NPFFR2: variants seen among roughly 807,000 people sequenced by gnomAD.
The protein encoded by NPFFR2 is neuropeptide FF receptor 2.
Under a neutral mutation model 13.1 loss-of-function variants are expected in NPFFR2, and 15 were observed. That is an observed-to-expected ratio of 1.15 (90% CI 0.77 to 1.76). NPFFR2 has a LOEUF of 1.76. NPFFR2 is among the 40% of genes most tolerant of loss of function. NPFFR2 has a pLI of 0.00. For synonymous variants in NPFFR2, 190 were observed against 175.7 expected (o/e 1.08, Z -0.65); for missense variants, 572 against 503.5 (o/e 1.14, Z -1.30).
intron 1 of NPFFR2, among the ~76,000 whole-genome samples, chr4:72,117,361 G>C (rs772918264): frequency 2.6e-5 from 4 of 151,930 alleles, no homozygotes; most frequent in Non-Finnish European, 5.9e-5. Context: ...TAATCTGTTG[G>C]CATATGAATA....
At chr4:72,098,905 A>G (rs764086335) in intron 1 of NPFFR2, among the ~76,000 whole-genome samples, 47 of 152,160 alleles carry the variant, frequency 3.1e-4, no homozygotes, top group Non-Finnish European at 6.3e-4. Context: ...ATTACTCTGT[A>G]TTGGTTCAAG....
intron 3 of NPFFR2, among the ~76,000 whole-genome samples, chr4:72,138,754 T>C (rs2109844420): frequency 6.6e-6 from 1 of 152,328 alleles, no homozygotes; most frequent in Non-Finnish European, 1.5e-5. Context: ...TAGCATGCTT[T>C]ATAATCCTTT....
intron 1 of NPFFR2, among the ~76,000 whole-genome samples, chr4:72,055,317 A>G (rs1719713582): frequency 6.6e-6 from 1 of 151,838 alleles, no homozygotes; most frequent in South Asian, 2.1e-4. Flanking sequence ...AAAAAGTTTG[A>G]AATATTGCAT....
intron 1 of NPFFR2, among the ~76,000 whole-genome samples, chr4:72,084,569 T>G (rs775526637): frequency 6.6e-5 from 10 of 152,212 alleles, no homozygotes; most frequent in Non-Finnish European, 1.3e-4. Flanking sequence ...AGATTAATCA[T>G]TTTAGCAGAT....
At chr4:72,067,202 A>T (rs1431367180) in intron 1 of NPFFR2, among the ~76,000 whole-genome samples, 2 of 152,144 alleles carry the variant, frequency 1.3e-5, no homozygotes, top group Non-Finnish European at 2.9e-5. Flanking sequence ...TGGCTTACAG[A>T]TCATGCCTTG....
At chr4:72,124,674 A>T (rs1252546844) in intron 1 of NPFFR2, among the ~76,000 whole-genome samples, 1 of 152,198 alleles carries the variant, frequency 6.6e-6, no homozygotes, top group Non-Finnish European at 1.5e-5. Flanking sequence ...GAAATGGGGA[A>T]AGGATTCCCT....
At chr4:72,042,796 A>T (rs13148170) in intron 1 of NPFFR2, among the ~76,000 whole-genome samples, 1 of 152,284 alleles carries the variant, frequency 6.6e-6, no homozygotes, top group African/African-American at 2.4e-5. Flanking sequence ...ATAAAAGTTT[A>T]AAAAATGTGC....
intron 1 of NPFFR2, among the ~76,000 whole-genome samples, chr4:72,066,347 A>G (rs1720071521): frequency 6.6e-6 from 1 of 152,178 alleles, no homozygotes. Flanking sequence ...GTTGGTCATT[A>G]AGTTTTAACA....
intron 1 of NPFFR2, among the ~76,000 whole-genome samples, chr4:72,057,339 C>T (rs74337020): frequency 0.012 from 1,865 of 151,946 alleles, 38 homozygotes; most frequent in African/African-American, 0.042. Context: ...TTTATTTTCT[C>T]ACAGTTCCAG....
At chr4:72,096,538 TGAG>T (rs1267142777) in intron 1 of NPFFR2, among the ~76,000 whole-genome samples, 1 of 152,166 alleles carries the variant, frequency 6.6e-6, no homozygotes, top group Non-Finnish European at 1.5e-5. Context: ...TATACAATTT[TGAG>T]GAGAACACCT....
At chr4:72,052,710 T>C (rs1200907597) in intron 1 of NPFFR2, among the ~76,000 whole-genome samples, 6 of 152,004 alleles carry the variant, frequency 3.9e-5, no homozygotes. Context: ...CCAGGTCTTT[T>C]CCCTGATTTA....
chr4:72,118,313 C>A (rs890222213), intron 1 of NPFFR2, among the ~76,000 whole-genome samples: 1 of 152,164 alleles, frequency 6.6e-6, no homozygotes, highest in Non-Finnish European at 1.5e-5. Context: ...AAATGCTTAG[C>A]ACTGAGTCTG....
At chr4:72,111,878 C>A (rs966317481) in intron 1 of NPFFR2, among the ~76,000 whole-genome samples, 3 of 152,024 alleles carry the variant, frequency 2.0e-5, no homozygotes, top group Non-Finnish European at 4.4e-5. Flanking sequence ...CATGGCATCT[C>A]CAAATCCTGC....
At chr4:72,084,765 G>A (rs1489532056) in intron 1 of NPFFR2, among the ~76,000 whole-genome samples, 2 of 152,122 alleles carry the variant, frequency 1.3e-5, no homozygotes, top group Non-Finnish European at 2.9e-5. Context: ...AATGCCTTAA[G>A]GGTGTCTGGA....
At chr4:72,137,988 GT>G in intron 2 of NPFFR2, 51 bp from the exon 3 acceptor site, 1 of 1,361,798 alleles carries the variant, frequency 7.3e-7, no homozygotes, top group African/African-American at 1.4e-5. Context: ...TTCATTTTCA[GT>G]GAGATTTTGA....
At chr4:72,073,849 G>C (rs1281663594) in intron 1 of NPFFR2, among the ~76,000 whole-genome samples, 1 of 151,574 alleles carries the variant, frequency 6.6e-6, no homozygotes, top group Non-Finnish European at 1.5e-5. Flanking sequence ...AATCCCCATG[G>C]TAACTACAGA....
At chr4:72,034,414 C>A (rs1033456416) in intron 1 of NPFFR2, among the ~76,000 whole-genome samples, 1 of 152,042 alleles carries the variant, frequency 6.6e-6, no homozygotes, top group African/African-American at 2.4e-5. Flanking sequence ...GGGGGAAAAG[C>A]CCCCTATAAA....
intron 1 of NPFFR2, among the ~76,000 whole-genome samples, chr4:72,051,884 A>G (rs1719595084): frequency 6.6e-6 from 1 of 150,664 alleles, no homozygotes; most frequent in Admixed American, 6.6e-5. Context: ...CAAATAAACT[A>G]GAAAATCTAG....
intron 1 of NPFFR2, among the ~76,000 whole-genome samples, chr4:72,051,741 C>T (rs76632870): frequency 0.89 from 135,395 of 151,880 alleles, 61,451 homozygotes; most frequent in Non-Finnish European, 0.98. Context: ...AATTGATAGA[C>T]TGCTAGCAAG....
Sources: gnomAD v4.1 joint callset for allele counts (sites outside exome capture counted in the v4.1 genomes callset) on GRCh38, gnomAD v4.1.1 for gene constraint, MANE v1.5 for transcripts, NCBI Gene and HGNC (gene_info 2026-07-23, HGNC 2026-07-21) for gene names.